COL15A1: variants seen among roughly 807,000 people sequenced by gnomAD.
COL15A1 encodes collagen type XV alpha 1 chain, also known as collagen alpha-1(XV) chain.
In COL15A1, 111 loss-of-function variants were observed where a neutral mutation model predicts 165.9. The observed-to-expected ratio is 0.67, with a 90% CI of 0.57 to 0.78. COL15A1 has a LOEUF of 0.78. Among genes scored for constraint, COL15A1 ranks in the 30% least tolerant of loss-of-function variants. The pLI, the probability that COL15A1 is intolerant of heterozygous loss-of-function variation, is 0.00. For synonymous variants in COL15A1, 659 were observed against 674.8 expected, an observed-to-expected ratio of 0.98 and a Z score of 0.36; for missense variants, 1,745 against 1,789.7, an observed-to-expected ratio of 0.98 and a Z score of 0.45.
intron 6 of COL15A1, among the ~76,000 whole-genome samples, chr9:98,999,722 G>A (rs1299316416): frequency 6.6e-6 from 1 of 151,894 alleles, no homozygotes; most frequent in African/African-American, 2.4e-5. Flanking sequence ...GTCTCGCTAT[G>A]TTGCCAAGAC....
chr9:99,057,007 A>C (rs555438301), intron 35 of COL15A1, among the ~76,000 whole-genome samples: 17 of 152,320 alleles, frequency 1.1e-4, no homozygotes, highest in Admixed American at 3.3e-4. Context: ...GCTACTATGA[A>C]CTTTCGTGTA....
intron 39 of COL15A1, among the ~76,000 whole-genome samples, chr9:99,063,531 A>C (rs1246303592): frequency 2.0e-5 from 3 of 152,250 alleles, no homozygotes; most frequent in African/African-American, 7.2e-5. Flanking sequence ...TCAGCAAAGC[A>C]AGTGCTAGGT....
chr9:98,970,562 A>G (rs535376360), intron 2 of COL15A1, among the ~76,000 whole-genome samples: 43 of 152,334 alleles, frequency 2.8e-4, no homozygotes, highest in African/African-American at 9.9e-4. Flanking sequence ...CAGCTTCCAC[A>G]GCTGTGATGT....
intron 23 of COL15A1, chr9:99,041,078 G>A (rs1194230752): frequency 6.3e-6 from 1 of 158,612 alleles, no homozygotes; most frequent in African/African-American, 2.4e-5. Flanking sequence ...TCCTGAGGGA[G>A]TCCCAGGCTC....
In COL15A1 at chr9:98,989,199, C is replaced by T; in HGVS notation, c.745C>T (p.Leu249=). 1.2e-6 allele frequency: 2 copies of T among 1,614,162 alleles called. No homozygotes were observed. The highest frequency in any genetic ancestry group is 1.7e-6 in the Non-Finnish European group (2 of 1,179,996). The change falls in exon 5 of 42, where the codon CTG becomes TTG. Residue 249 remains leucine (L), a synonymous_variant. Transcript: ENST00000375001. ...ACAGGCATCTGGAGAGACCAGTGGG[C>T]TGCAGGAGGCAGACGGAGTAGCTGA... ...ESSASGETSG[L]QEADGVAEIL...
intron 26 of COL15A1, among the ~76,000 whole-genome samples, chr9:99,045,252 A>G (rs1839474924): frequency 6.6e-6 from 1 of 152,200 alleles, no homozygotes; most frequent in African/African-American, 2.4e-5. Context: ...TATACCACAG[A>G]ACTTGCCAGC....
In COL15A1 at chr9:99,023,348, T is replaced by C. The variant is rs369198993; in HGVS notation, c.1762-9T>C. On this transcript the variant is annotated splice_polypyrimidine_tract_variant and intron_variant, in intron 13 of 41. Transcript: ENST00000375001. ...AAATGCAAGTAGTGGAAATTTCTTC[T>C]CTTTCCAGGCAGGAGCAGAAGCAGA... 2.0e-4 allele frequency: 318 copies of C among 1,589,608 alleles called. 2 individuals are homozygous for C. Among genetic ancestry groups the C allele is most frequent in the South Asian group, 3.0e-4 (27 of 89,030 alleles).
chr9:98,962,715 A>G (rs1358093484), intron 2 of COL15A1, among the ~76,000 whole-genome samples: 4 of 152,168 alleles, frequency 2.6e-5, no homozygotes, highest in Admixed American at 2.6e-4. Flanking sequence ...TGTGGGGGAT[A>G]TTTAGAATTA....
intron 2 of COL15A1, among the ~76,000 whole-genome samples, chr9:98,962,900 G>T (rs530921216): frequency 6.6e-6 from 1 of 152,308 alleles, no homozygotes; most frequent in South Asian, 2.1e-4. Context: ...TGGATCTCCG[G>T]CACTTAGAAT....
At chr9:99,002,882 C>T (rs1441699445) in intron 7 of COL15A1, among the ~76,000 whole-genome samples, 2 of 152,204 alleles carry the variant, frequency 1.3e-5, no homozygotes, top group Non-Finnish European at 2.9e-5. Context: ...AATAAACAAG[C>T]TTTGGGAAAT....
Position 99,048,013 on chromosome 9 carries a change from G to C in COL15A1, c.2793+13G>C. Reference sequence around the variant, plus strand: ...GGTCATTATGCAGGTGAGTCACCCTGGGGATGGAGCCGGAGGTTGGTGTCC... The same window carrying C: ...GGTCATTATGCAGGTGAGTCACCCTCGGGATGGAGCCGGAGGTTGGTGTCC... On this transcript the variant is annotated intron_variant, in intron 28 of 41. Transcript: ENST00000375001. 1.3e-6 allele frequency: 2 copies of C among 1,484,162 alleles called. No homozygotes were observed. Among genetic ancestry groups the C allele is most frequent in the South Asian group, 1.2e-5 (1 of 85,668 alleles). 91.9% of individuals were successfully genotyped at this position (1,484,162 alleles called of 1,614,324 possible). A position where few individuals can be genotyped will look rare whatever the true frequency, so the allele number is the denominator to read the frequency against.
intron 2 of COL15A1, among the ~76,000 whole-genome samples, chr9:98,959,142 G>A (rs138689229): frequency 1.4e-5 from 2 of 143,146 alleles, no homozygotes; most frequent in African/African-American, 5.2e-5. Flanking sequence ...TGTAATCTCA[G>A]CACTTCAGGA....
chr9:98,950,504 C>T (rs910177183), intron 2 of COL15A1, among the ~76,000 whole-genome samples: 33 of 115,266 alleles, frequency 2.9e-4, no homozygotes, highest in African/African-American at 1.1e-3. Context: ...TCCCTCCCTT[C>T]CTTCCTTCCT....
intron 2 of COL15A1, among the ~76,000 whole-genome samples, chr9:98,970,823 CG>C (rs113903778): frequency 0.01 from 1,517 of 151,700 alleles, 25 homozygotes; most frequent in African/African-American, 0.035. Flanking sequence ...AGGGTGAGTG[CG>C]GGTGGAGGTG....
At chr9:99,044,484 C>T (rs1046962239) in intron 24 of COL15A1, 84 bp from the exon 25 acceptor site, 183 of 1,243,278 alleles carry the variant, frequency 1.5e-4, no homozygotes, top group South Asian at 1.4e-3. Flanking sequence ...TACAAGGTGG[C>T]AAGGAGGAGT....
rs546861088 is a variant in COL15A1, at chr9:98,984,032, T to C, written c.101-1533T>C. Among the ~76,000 whole-genome samples, 11 of 152,378 alleles carry C rather than the reference T, an allele frequency of 7.2e-5. No individual in the cohort carries two copies. In the South Asian group the frequency reaches 2.3e-3, roughly 32 times the overall value. On this transcript the variant is annotated intron_variant, in intron 2 of 41. Transcript: ENST00000375001. ...GAAACCACTTAGGTTCTCAGTGGCC[T>C]CTGGCCTTTGGCGATAGCCCAGACA...
chr9:99,066,856 G>GCT (rs775712852), intron 39 of COL15A1, 26 bp from the exon 40 acceptor site: 1 of 1,597,676 alleles, frequency 6.3e-7, no homozygotes, highest in South Asian at 1.1e-5. Context: ...GATTCTGACT[G>GCT]CTCTCTTTTG....
Position 99,055,156 on chromosome 9 carries a change from G to C in COL15A1, c.3081+5G>C. On this transcript the variant is annotated splice_donor_5th_base_variant and intron_variant, in intron 33 of 41. Transcript: ENST00000375001. ...CACTTTCTGAACAACTTGAAGGTGA[G>C]TATTTCTCTACCAATATTTGGCCTG... 1 of 1,612,210 alleles carries C rather than the reference G, an allele frequency of 6.2e-7. No homozygotes were observed. The highest frequency in any genetic ancestry group is 8.5e-7 in the Non-Finnish European group (1 of 1,178,270).
chr9:99,047,873 G>C, intron 27 of COL15A1, 34 bp downstream of exon 27: 1 of 1,612,970 alleles, frequency 6.2e-7, no homozygotes, highest in Non-Finnish European at 8.5e-7. Context: ...AGGCTGGAGG[G>C]GGAGGACACG....
Sources: allele counts gnomAD v4.1 joint callset (sites outside exome capture counted in the v4.1 genomes callset), GRCh38; gene constraint gnomAD v4.1.1; transcripts MANE v1.5; gene names NCBI Gene and HGNC (gene_info 2026-07-23, HGNC 2026-07-21).